Variants in KNTC1 observed in about 807,000 individuals in gnomAD.
KNTC1 encodes kinetochore-associated protein 1.
KNTC1 carries 253 observed loss-of-function variants against 314.4 expected under a neutral mutation model. The ratio of observed to expected loss-of-function variants is 0.80; its 90% confidence interval spans 0.73 to 0.89. KNTC1 has a LOEUF of 0.89. KNTC1 is among the 40% of genes least tolerant of loss of function. The pLI, the probability that KNTC1 is intolerant of heterozygous loss-of-function variation, is 0.00. For synonymous variants in KNTC1, 901 were observed against 901.4 expected (o/e 1.00, Z 0.01); for missense variants, 2,475 against 2,572.9 (o/e 0.96, Z 0.82).
chr12:122,592,358 A>C (rs930340457), intron 42 of KNTC1, among the ~76,000 whole-genome samples: 3 of 152,134 alleles, frequency 2.0e-5, no homozygotes, highest in Admixed American at 6.5e-5. Context: ...ATGCCGCCCC[A>C]TGCTCCACGG....
chr12:122,548,361 C>T (rs1019091708), intron 12 of KNTC1, among the ~76,000 whole-genome samples: 6 of 152,004 alleles, frequency 3.9e-5, no homozygotes, highest in African/African-American at 7.2e-5. Context: ...AGGTGCCTGC[C>T]GCCACACCCA....
At chr12:122,543,204 C>T (rs965424901) in intron 6 of KNTC1, among the ~76,000 whole-genome samples, 4 of 152,296 alleles carry the variant, frequency 2.6e-5, no homozygotes, top group African/African-American at 2.4e-5. Flanking sequence ...TGAGCCACTG[C>T]GCCCGGCCTA....
intron 40 of KNTC1, among the ~76,000 whole-genome samples, chr12:122,589,548 G>A (rs1181204551): frequency 1.4e-5 from 2 of 144,910 alleles, no homozygotes; most frequent in African/African-American, 5.1e-5. Context: ...ATAGCTTACT[G>A]CAGCCTTGAA....
At chr12:122,554,829 C>T (rs1009113875) in intron 16 of KNTC1, among the ~76,000 whole-genome samples, 5 of 152,166 alleles carry the variant, frequency 3.3e-5, no homozygotes, top group Non-Finnish European at 7.3e-5. Flanking sequence ...GTATTTGTAA[C>T]TCTAACCTTT....
At chr12:122,620,897 A>G (rs1874357434) in intron 60 of KNTC1, among the ~76,000 whole-genome samples, 1 of 152,250 alleles carries the variant, frequency 6.6e-6, no homozygotes. Context: ...TTTAAAAGGA[A>G]TAACCCATTA....
intron 61 of KNTC1, 64 bp from the exon 62 acceptor site, chr12:122,622,398 T>C: frequency 3.7e-6 from 5 of 1,339,686 alleles, no homozygotes; most frequent in Non-Finnish European, 5.2e-6. Context: ...TGTCATTCTA[T>C]AGATTAGAAG....
At chr12:122,540,298 G>A (rs895583838) in intron 5 of KNTC1, among the ~76,000 whole-genome samples, 5 of 149,898 alleles carry the variant, frequency 3.3e-5, no homozygotes, top group African/African-American at 9.9e-5. Flanking sequence ...TCAGCCTCCC[G>A]AGTAGCTGGG....
intron 16 of KNTC1, among the ~76,000 whole-genome samples, chr12:122,553,383 A>T (rs900604785): frequency 5.9e-5 from 9 of 151,618 alleles, no homozygotes; most frequent in African/African-American, 2.2e-4. Context: ...AGCTGAGCAC[A>T]GTCGTGCATG....
chr12:122,576,423 G>A (rs1337828375), intron 29 of KNTC1, among the ~76,000 whole-genome samples: 3 of 151,510 alleles, frequency 2.0e-5, no homozygotes, highest in African/African-American at 4.8e-5. Flanking sequence ...GCTCACACCC[G>A]TAATCCCAGC....
Position 122,562,642 on chromosome 12 carries a change from TA to T in KNTC1, c.1549del (p.Arg517GlufsTer6). 1 of 1,588,142 alleles carries T rather than the reference TA, an allele frequency of 6.3e-7. No homozygotes were observed. Among genetic ancestry groups the T allele is most frequent in the African/African-American group, 1.3e-5 (1 of 74,592 alleles). ...ATTAAATTATTTTTTCTTCAGGTGC[TA>T]AGAGCTCATGCAAAATTGACTACTT... ...LIYSDGLKEV[L>X]RAHAKLTTFY... On this transcript the variant is annotated frameshift_variant, in exon 20 of 64. Transcript: ENST00000333479. LOFTEE classifies it high-confidence loss of function.
chr12:122,615,348 C>T lies in KNTC1; in HGVS notation c.5974-122C>T, dbSNP rs1000004134. ...TGAACTTGTAAGTGAACTTCTCTGG[C>T]AGTTATCATGGAAGATAACGTTTTA... is the stretch of plus-strand genomic sequence containing the variant. On this transcript the variant is annotated intron_variant, in intron 56 of 63. Transcript: ENST00000333479. 7 of 848,918 alleles carry T rather than the reference C, an allele frequency of 8.2e-6. No individual in the cohort carries two copies. In the African/African-American group the frequency reaches 1.2e-4, roughly 15 times the overall value. 52.6% of individuals were successfully genotyped at this position (848,918 alleles called of 1,614,324 possible). A position where few individuals can be genotyped will look rare whatever the true frequency, so the allele number is the denominator to read the frequency against.
At chr12:122,569,098 G>A in intron 21 of KNTC1, among the ~76,000 whole-genome samples, 1 of 152,056 alleles carries the variant, frequency 6.6e-6, no homozygotes, top group East Asian at 1.9e-4. Context: ...GAAATAATCT[G>A]TACAACAAAC....
intron 57 of KNTC1, 50 bp downstream of exon 57, chr12:122,615,576 C>T: frequency 6.9e-7 from 1 of 1,452,630 alleles, no homozygotes. Context: ...TTTATACTTT[C>T]TGGCCTTGTG....
At chr12:122,546,423 T>C (rs974569902) in intron 9 of KNTC1, among the ~76,000 whole-genome samples, 154 bp downstream of exon 9, 2 of 152,230 alleles carry the variant, frequency 1.3e-5, no homozygotes, top group African/African-American at 4.8e-5. Context: ...GAACAGTTCT[T>C]GACATGTTAC....
At chr12:122,609,798 C>T (rs1403550526) in intron 52 of KNTC1, among the ~76,000 whole-genome samples, 3 of 152,130 alleles carry the variant, frequency 2.0e-5, no homozygotes, top group Admixed American at 6.5e-5. Flanking sequence ...TCTTTTTGCT[C>T]TTCTAACCTA....
chr12:122,541,287 G>GCCTTCCTTCCTTCCTT (rs1555222321), intron 5 of KNTC1, among the ~76,000 whole-genome samples: 1,805 of 120,942 alleles, frequency 0.015, 50 homozygotes, highest in East Asian at 0.04. Context: ...CTGCCTGCCT[G>GCCTTCCTTCCTTCCTT]CCTTCCTTCC....
chr12:122,602,897 T>G lies in KNTC1; in HGVS notation c.4884+10T>G. 6.3e-7 allele frequency: 1 copy of G among 1,582,824 alleles called. No individual in the cohort carries two copies. Among genetic ancestry groups the G allele is most frequent in the Non-Finnish European group, 8.7e-7 (1 of 1,152,990 alleles). ...TTCGAAATTAATGAAGGTAATGGAT[T>G]AAAACATTGTAAGACATTTCTGTAT... On this transcript the variant is annotated intron_variant, in intron 47 of 63. Transcript: ENST00000333479.
chr12:122,538,185 C>T (rs1961998651), intron 3 of KNTC1, among the ~76,000 whole-genome samples, 154 bp from the exon 4 acceptor site: 1 of 152,180 alleles, frequency 6.6e-6, no homozygotes, highest in Non-Finnish European at 1.5e-5. Context: ...TAAAAGTCAA[C>T]AACATTCTTT....
At chr12:122,561,380 G>A in intron 18 of KNTC1, among the ~76,000 whole-genome samples, 1 of 151,356 alleles carries the variant, frequency 6.6e-6, no homozygotes, top group Middle Eastern at 3.2e-3. Flanking sequence ...ACCTTTTTTG[G>A]CATGCAATTT....
Sources: allele counts gnomAD v4.1 joint callset (sites outside exome capture counted in the v4.1 genomes callset), GRCh38; gene constraint gnomAD v4.1.1; transcripts MANE v1.5; gene names NCBI Gene and HGNC (gene_info 2026-07-23, HGNC 2026-07-21).